Variants in ATXN1 observed in about 807,000 individuals in gnomAD.
ATXN1 encodes the protein ataxin-1.
ATXN1 carries 8 observed loss-of-function variants against 56.4 expected under a neutral mutation model. That is an observed-to-expected ratio of 0.14 (90% CI 0.08 to 0.26). The LOEUF (loss-of-function observed/expected upper bound fraction) is 0.26. Among genes scored for constraint, ATXN1 ranks in the 10% least tolerant of loss-of-function variants. The pLI, the probability that ATXN1 is intolerant of heterozygous loss-of-function variation, is 1.00. For missense variants in ATXN1, 987 were observed against 1,106.5 expected (o/e 0.89, Z 1.53); for synonymous variants, 514 against 494.6 (o/e 1.04, Z -0.52).
chr6:16,681,730 A>G (rs1758816430), intron 2 of ATXN1, among the ~76,000 whole-genome samples: 1 of 152,232 alleles, frequency 6.6e-6, no homozygotes, highest in South Asian at 2.1e-4. Context: ...CACTGAGCAT[A>G]TTGCACAGTA....
intron 3 of ATXN1, among the ~76,000 whole-genome samples, chr6:16,634,418 T>A (rs909820893): frequency 9.2e-5 from 14 of 152,170 alleles, no homozygotes; most frequent in African/African-American, 3.4e-4. Context: ...CATTTATTTT[T>A]AAAAAAACAG....
Position 16,306,852 on chromosome 6 carries a change from A to G in ATXN1, c.1925T>C (p.Val642Ala). 6.2e-7 allele frequency: 1 copy of G among 1,602,952 alleles called. No individual in the cohort carries two copies. Among genetic ancestry groups the G allele is most frequent in the South Asian group, 1.1e-5 (1 of 90,230 alleles). ...AVGEHRAQVS[V>A]EVLVEYPFFV... ...AAAAGGATACTCTACCAAAACTTCA[A>G]CGCTGACCTGTGGAAACAGGGAGAG... The change falls in exon 8 of 8, where the codon GTT becomes GCT. Residue 642 changes from valine (V) to alanine (A), a missense_variant. Val to Ala is a moderately conservative substitution (Grantham distance 64). This residue lies in a region of ATXN1 where 68 missense variants were observed against 118.1 expected (regional missense o/e 0.58). Coordinates refer to ENST00000436367, the MANE Select transcript of ATXN1 (RefSeq NM_001128164.2). The surrounding 1 kb of genome is among the most constrained non-coding windows in gnomAD (Gnocchi z 5.2).
intron 2 of ATXN1, among the ~76,000 whole-genome samples, chr6:16,684,432 C>T (rs1758875697): frequency 6.6e-6 from 1 of 152,182 alleles, no homozygotes; most frequent in African/African-American, 2.4e-5. Flanking sequence ...GTCTCAGCCC[C>T]ACCCCTTACC....
At chr6:16,624,434 G>C (rs954077949) in intron 3 of ATXN1, among the ~76,000 whole-genome samples, 2 of 151,682 alleles carry the variant, frequency 1.3e-5, no homozygotes, top group African/African-American at 4.8e-5. Context: ...TAATACCACT[G>C]AATGTACACT....
At position 16,327,498 on chromosome 6, in the gene ATXN1, G is replaced by A. The variant is rs1384359156; in HGVS notation, c.813C>T (p.His271=). ...ASPPAIPVHL[H]PHQTMIPHTL... ...TGTGTGGGATCATCGTCTGGTGGGG[G>A]TGGAGGTGGACGGGGATGGCCGGAG... Residue 271 remains histidine (H), a synonymous_variant, in exon 7 of 8, where the codon CAC becomes CAT. Coordinates refer to ENST00000436367, the MANE Select transcript of ATXN1 (RefSeq NM_001128164.2). 6.8e-6 allele frequency: 11 copies of A among 1,613,092 alleles called. No homozygotes were observed. Among genetic ancestry groups the A allele is most frequent in the Non-Finnish European group, 8.5e-6 (10 of 1,179,878 alleles).
chr6:16,676,287 T>C (rs1441762054), intron 2 of ATXN1, among the ~76,000 whole-genome samples: 2 of 152,152 alleles, frequency 1.3e-5, no homozygotes, highest in Non-Finnish European at 2.9e-5. Flanking sequence ...GAGACTCAGG[T>C]TTTAAGACCC....
intron 7 of ATXN1, among the ~76,000 whole-genome samples, chr6:16,325,311 T>C (rs529505715): frequency 1.8e-4 from 27 of 151,994 alleles, no homozygotes; most frequent in Non-Finnish European, 3.5e-4. Flanking sequence ...AGAGACAGGG[T>C]TTCACCATGT....
chr6:16,613,289 A>AT (rs1302896244), intron 3 of ATXN1, among the ~76,000 whole-genome samples: 1 of 150,842 alleles, frequency 6.6e-6, no homozygotes, highest in East Asian at 1.9e-4. Context: ...AAAAAAAAAA[A>AT]AAAAAATTAT....
intron 4 of ATXN1, among the ~76,000 whole-genome samples, chr6:16,539,885 C>T (rs1267782582): frequency 6.6e-5 from 10 of 152,092 alleles, no homozygotes; most frequent in East Asian, 1.9e-4. Flanking sequence ...GATGACACAC[C>T]GAAGGCAGAA....
intron 4 of ATXN1, among the ~76,000 whole-genome samples, chr6:16,545,971 T>C (rs1447059004): frequency 2.0e-5 from 3 of 152,096 alleles, no homozygotes; most frequent in African/African-American, 7.2e-5. Context: ...AAATAAAAAA[T>C]GGGGAGGGTG....
At chr6:16,371,443 C>T (rs1762040577) in intron 6 of ATXN1, among the ~76,000 whole-genome samples, 1 of 151,840 alleles carries the variant, frequency 6.6e-6, no homozygotes, top group South Asian at 2.1e-4. Context: ...GTATTTAACA[C>T]TAGTTCCATT....
chr6:16,461,105 C>T (rs1308340173), intron 6 of ATXN1, among the ~76,000 whole-genome samples: 2 of 152,174 alleles, frequency 1.3e-5, no homozygotes, highest in African/African-American at 4.8e-5. Flanking sequence ...CAGAAGGAAA[C>T]CACTGGGCAG....
Position 16,560,524 on chromosome 6 carries a change from G to C in ATXN1, c.-361+25256C>G, listed in dbSNP as rs528316209. Among the ~76,000 whole-genome samples the C allele has an allele frequency of 2.6e-4, 40 of 152,282 alleles. 1 individual carries two copies. In the South Asian group the frequency reaches 7.9e-3, roughly 30 times the overall value. ...CTTTAATATGCTTGTTCTAAAGGGG[G>C]CAGGGGTGGAGAGAGAAGACTAGAA... On this transcript the variant is annotated intron_variant, in intron 4 of 7. Coordinates refer to ENST00000436367, the MANE Select transcript of ATXN1 (RefSeq NM_001128164.2).
intron 2 of ATXN1, among the ~76,000 whole-genome samples, chr6:16,712,852 G>A (rs1321726331): frequency 6.6e-6 from 1 of 151,844 alleles, no homozygotes; most frequent in Middle Eastern, 3.2e-3. Flanking sequence ...AGATTTATAT[G>A]TACCTGCTAG....
chr6:16,318,641 G>A (rs780025981), intron 7 of ATXN1, among the ~76,000 whole-genome samples: 2 of 152,180 alleles, frequency 1.3e-5, no homozygotes, highest in South Asian at 2.1e-4. Context: ...TCATGTTCAC[G>A]CAAAGCCTGA....
chr6:16,430,855 C>A (rs139037499), intron 6 of ATXN1, among the ~76,000 whole-genome samples: 1 of 151,906 alleles, frequency 6.6e-6, no homozygotes, highest in Non-Finnish European at 1.5e-5. Context: ...ATCCAAGGTT[C>A]GTGGTGTTTG....
At chr6:16,708,814 T>C (rs1373080832) in intron 2 of ATXN1, among the ~76,000 whole-genome samples, 8 of 151,968 alleles carry the variant, frequency 5.3e-5, no homozygotes, top group Admixed American at 5.2e-4. Context: ...ACACCTGAGG[T>C]CAGGAGTTCA....
At chr6:16,395,589 A>G (rs1758438616) in intron 6 of ATXN1, among the ~76,000 whole-genome samples, 1 of 152,232 alleles carries the variant, frequency 6.6e-6, no homozygotes, top group South Asian at 2.1e-4. Context: ...CCAGTCCTAT[A>G]AAAGTATAGC....
At chr6:16,437,411 C>T (rs2237198) in intron 6 of ATXN1, among the ~76,000 whole-genome samples, 19,082 of 152,216 alleles carry the variant, frequency 0.13, 1,335 homozygotes, top group South Asian at 0.2. Flanking sequence ...AAGGGCTGTG[C>T]GGCACAGGTG....
Sources: allele counts gnomAD v4.1 joint callset (sites outside exome capture counted in the v4.1 genomes callset), GRCh38; gene constraint gnomAD v4.1.1; regional missense constraint gnomAD v4.1.1; non-coding constraint Gnocchi (gnomAD v3.1); transcripts MANE v1.5; gene names NCBI Gene and HGNC (gene_info 2026-07-23, HGNC 2026-07-21).